The following MROH2B variants were observed in gnomAD, a reference collection of about 807,000 sequenced individuals.
MROH2B encodes the protein maestro heat like repeat family member 2B, also known as maestro heat-like repeat-containing protein family member 2B.
A neutral mutation model predicts 208.6 loss-of-function variants in MROH2B; 177 were observed. The ratio of observed to expected loss-of-function variants is 0.85; its 90% CI spans 0.75 to 0.96. The LOEUF is 0.96. Ranked by LOEUF, MROH2B falls within the 40% of genes least tolerant of loss-of-function variation. MROH2B has a pLI of 0.00. For synonymous variants in MROH2B, 728 were observed against 659.0 expected (o/e 1.10, Z -1.60); for missense variants, 2,002 against 1,878.7 (o/e 1.07, Z -1.21).
At position 41,062,562 on chromosome 5, in the gene MROH2B, C is replaced by T. The variant is rs767755400; in HGVS notation, c.461-838G>A. On this transcript the variant is annotated intron_variant, in intron 5 of 41. Coordinates refer to ENST00000399564, the MANE Select transcript of MROH2B (RefSeq NM_173489.5). ...GACTGCCAAAATACCATTTGGGCCA[C>T]GAATCCATATATATTTGCATGAAAT... 5.9e-5 allele frequency among the ~76,000 whole-genome samples: 9 copies of T among 152,060 alleles called. No individual in the cohort carries two copies. In the East Asian group the frequency reaches 1.2e-3, roughly 19 times the overall value.
intron 37 of MROH2B, among the ~76,000 whole-genome samples, chr5:41,003,072 T>C (rs1200407495): frequency 6.6e-6 from 1 of 151,710 alleles, no homozygotes; most frequent in Non-Finnish European, 1.5e-5. Flanking sequence ...GCGATTATCC[T>C]GTCTCAGTCT....
At position 41,015,446 on chromosome 5, in the gene MROH2B, A is replaced by G; in HGVS notation, c.2917T>C (p.Leu973=). The G allele has an allele frequency of 6.2e-7, 1 of 1,613,638 alleles. No homozygotes were observed. Among genetic ancestry groups the G allele is most frequent in the Non-Finnish European group, 8.5e-7 (1 of 1,179,680 alleles). ...IHLEVERLQG[L]QEGLESDDVQ... is the part of the protein sequence containing the mutation. ...TCATCACTTTCCAGCCCTTCCTGCA[A>G]ACCCTGCAGTCTTTCCACTTCCAAG... The change falls in exon 29 of 42, where the codon TTG becomes CTG. Residue 973 remains leucine (L), a synonymous_variant. Coordinates refer to ENST00000399564, the MANE Select transcript of MROH2B (RefSeq NM_173489.5).
Position 41,000,319 on chromosome 5 carries a change from G to T in MROH2B, c.4383C>A (p.Pro1461=). The T allele has an allele frequency of 6.2e-7, 1 of 1,613,864 alleles. No individual in the cohort carries two copies. The highest frequency in any genetic ancestry group is 1.3e-5 in the African/African-American group (1 of 75,042). Residue 1461 remains proline (P), a synonymous_variant, in exon 39 of 42, where the codon CCC becomes CCA. Coordinates refer to ENST00000399564, the MANE Select transcript of MROH2B (RefSeq NM_173489.5). The stretch of plus-strand genomic sequence containing the variant: ...CATAGAGCTCCTGGAGGCCCAAAAA[G>T]GGAATGCAGACCATCAAGACATCAC... ...ACRDVLMVCI[P]FLGLQELYGV...
intron 24 of MROH2B, among the ~76,000 whole-genome samples, chr5:41,032,243 G>A (rs1421562851): frequency 6.6e-6 from 1 of 151,980 alleles, no homozygotes; most frequent in Non-Finnish European, 1.5e-5. Context: ...GCATCTTTGA[G>A]TTTTTAGTAA....
Position 41,005,422 on chromosome 5 carries a change from C to A in MROH2B, c.3864+109G>T, listed in dbSNP as rs112233244. 5 of 151,068 alleles carry A rather than the reference C, an allele frequency of 3.3e-5. 1 individual carries two copies. Among genetic ancestry groups the A allele is most frequent in the East Asian group, 1.1e-4 (1 of 9,360 alleles). The allele number at this position is 151,068 out of a possible 1,614,324, so 9.4% of individuals were successfully genotyped here. On this transcript the variant is annotated intron_variant, in intron 35 of 41. Transcript: ENST00000399564. Reference sequence around the variant, plus strand: ...GTCTCTCCTCTATGAAACCCCCCCCCCCCTTGAAGTCTCTCTTCCCTGGTT... The same window carrying A: ...GTCTCTCCTCTATGAAACCCCCCCCACCCTTGAAGTCTCTCTTCCCTGGTT...
intron 13 of MROH2B, among the ~76,000 whole-genome samples, chr5:41,050,211 T>A (rs1743245097): frequency 6.6e-6 from 1 of 152,244 alleles, no homozygotes; most frequent in Non-Finnish European, 1.5e-5. Flanking sequence ...TTTAAATGTT[T>A]AGCTCTTGCT....
At chr5:41,004,963 G>A in intron 35 of MROH2B, 43 bp from the exon 36 acceptor site, 1 of 1,599,952 alleles carries the variant, frequency 6.3e-7, no homozygotes, top group Admixed American at 1.7e-5. Flanking sequence ...TAAGGGCGTG[G>A]CCCCTCCTTC....
intron 30 of MROH2B, among the ~76,000 whole-genome samples, 191 bp downstream of exon 30, chr5:41,012,392 G>C (rs1296943613): frequency 1.3e-5 from 2 of 152,230 alleles, no homozygotes; most frequent in African/African-American, 4.8e-5. Context: ...AAAGACAAGA[G>C]AGGCAATTGA....
At position 41,008,699 on chromosome 5, in the gene MROH2B, C is replaced by T; in HGVS notation, c.3515G>A (p.Cys1172Tyr). 1 of 1,613,886 alleles carries T rather than the reference C, an allele frequency of 6.2e-7. No individual in the cohort carries two copies. The highest frequency in any genetic ancestry group is 8.5e-7 in the Non-Finnish European group (1 of 1,179,834). The change falls in exon 33 of 42, where the codon TGC becomes TAC. Residue 1172 changes from cysteine to tyrosine, a missense_variant. Physicochemically the swap from Cys to Tyr is radical, Grantham distance 194. Transcript: ENST00000399564. Reference protein sequence around the residue: ...LFTLLLKLVSCTLGQKMLTCP... With the variant: ...LFTLLLKLVSYTLGQKMLTCP... Reference sequence around the variant, plus strand: ...AGTGAGCATCTTCTGGCCCAGTGTGCAGCTAACCAGCTTCAGGAGGAGAGT... The same window carrying T: ...AGTGAGCATCTTCTGGCCCAGTGTGTAGCTAACCAGCTTCAGGAGGAGAGT...
In MROH2B at chr5:41,005,559, C is replaced by T. The variant is rs896692806; in HGVS notation, c.3836G>A (p.Arg1279Gln). Residue 1279 changes from arginine to glutamine, a missense_variant, in exon 35 of 42, where the codon CGG (arginine) becomes CAG (glutamine). By Grantham distance (43) the Arg-to-Gln change is conservative. Coordinates refer to ENST00000399564, the MANE Select transcript of MROH2B (RefSeq NM_173489.5). ...SSLTSSSENY[R>Q]ITGAAFFSEL... is the part of the protein sequence containing the mutation. ...AGAGAAGAAAGCTGCGCCGGTTATCCGGTAGTTCTCCGAGGAGGAGGTAAG... is the reference window on the plus strand; with the variant it reads ...AGAGAAGAAAGCTGCGCCGGTTATCTGGTAGTTCTCCGAGGAGGAGGTAAG... The T allele has an allele frequency of 5.0e-6, 8 of 1,607,810 alleles. No individual in the cohort carries two copies. The African/African-American group carries it at 5.3e-5, about 11-fold the overall frequency.
In MROH2B at chr5:41,067,146, A is replaced by G; in HGVS notation, c.163T>C (p.Leu55=). Residue 55 remains leucine (L), a synonymous_variant, in exon 3 of 42, where the codon TTG becomes CTG. Transcript: ENST00000399564. ...ATATCCTTAGAAGCATAATAAATCA[A>G]TCGTTGGACAATTGCATCATCCAAG... ...DILDDAIVQR[L]IYYASKDMRD... is the part of the protein sequence containing the mutation. 3 of 1,555,468 alleles carry G rather than the reference A, an allele frequency of 1.9e-6. No homozygotes were observed. Among genetic ancestry groups the G allele is most frequent in the Non-Finnish European group, 2.6e-6 (3 of 1,148,118 alleles).
At chr5:41,054,290 C>T (rs551396119) in intron 11 of MROH2B, among the ~76,000 whole-genome samples, 1 of 152,156 alleles carries the variant, frequency 6.6e-6, no homozygotes, top group Non-Finnish European at 1.5e-5. Flanking sequence ...ACACTTTAAT[C>T]AAATAATCAG....
In MROH2B at chr5:41,045,497, C is replaced by T. The variant is rs184507473; in HGVS notation, c.1836+249G>A. 3.9e-5 allele frequency among the ~76,000 whole-genome samples: 6 copies of T among 152,296 alleles called. 1 individual carries two copies. Among genetic ancestry groups the T allele is most frequent in the Admixed American group, 2.0e-4 (3 of 15,302 alleles). On this transcript the variant is annotated intron_variant, in intron 18 of 41. Coordinates refer to ENST00000399564, the MANE Select transcript of MROH2B (RefSeq NM_173489.5). ...AGAACCTCTGAATATTAGTTAGGCACATATCTATCTTATCTACCTCTCAGT... is the reference window on the plus strand; with the variant it reads ...AGAACCTCTGAATATTAGTTAGGCATATATCTATCTTATCTACCTCTCAGT...
Position 41,049,149 on chromosome 5 carries a change from G to C in MROH2B, c.1502-8C>G. ...GTGGTGAAGGAAGTTTCACTAGAAA[G>C]AGAAAGCAATTTTCATCATCACTGC... On this transcript the variant is annotated splice_region_variant and splice_polypyrimidine_tract_variant and intron_variant, in intron 14 of 41. Coordinates refer to ENST00000399564, the MANE Select transcript of MROH2B (RefSeq NM_173489.5). 2 of 1,601,744 alleles carry C rather than the reference G, an allele frequency of 1.2e-6. No individual in the cohort carries two copies. Among genetic ancestry groups the C allele is most frequent in the South Asian group, 1.1e-5 (1 of 88,914 alleles).
intron 30 of MROH2B, among the ~76,000 whole-genome samples, chr5:41,011,897 T>G (rs113633164): frequency 0.04 from 6,057 of 152,182 alleles, 406 homozygotes; most frequent in African/African-American, 0.14. Context: ...CAAACTCCTG[T>G]CCTCAAGTGA....
chr5:41,057,233 A>G (rs2150179313), intron 8 of MROH2B, 35 bp downstream of exon 8: 2 of 1,611,140 alleles, frequency 1.2e-6, no homozygotes, highest in East Asian at 2.2e-5. Context: ...ACCGGTTGAA[A>G]TTAAAAATTG....
intron 37 of MROH2B, among the ~76,000 whole-genome samples, chr5:41,001,849 GT>G (rs575431780): frequency 6.6e-6 from 1 of 152,060 alleles, no homozygotes; most frequent in Non-Finnish European, 1.5e-5. Flanking sequence ...TTTCATGGAG[GT>G]TTTTTTATTT....
At chr5:41,007,545 T>A in intron 33 of MROH2B, 91 bp from the exon 34 acceptor site, 1 of 1,204,290 alleles carries the variant, frequency 8.3e-7, no homozygotes, top group Non-Finnish European at 1.1e-6. Context: ...TCACAATGCT[T>A]TCCCACCCCT....
intron 24 of MROH2B, among the ~76,000 whole-genome samples, chr5:41,028,254 T>C (rs1279266716): frequency 1.3e-5 from 2 of 152,162 alleles, no homozygotes; most frequent in African/African-American, 2.4e-5. Flanking sequence ...TCATCTCACA[T>C]AGTTATCTGT....
Sources: gnomAD v4.1 joint callset for allele counts (sites outside exome capture counted in the v4.1 genomes callset) on GRCh38, gnomAD v4.1.1 for gene constraint, MANE v1.5 for transcripts, NCBI Gene and HGNC (gene_info 2026-07-23, HGNC 2026-07-21) for gene names.